Variants in SAMD11 observed in about 807,000 individuals in gnomAD.
SAMD11 encodes the protein sterile alpha motif domain containing 11.
A neutral mutation model predicts 64.4 loss-of-function variants in SAMD11; 77 were observed. The ratio of observed to expected loss-of-function variants is 1.20; its 90% confidence interval spans 0.99 to 1.44. The LOEUF (loss-of-function observed/expected upper bound fraction) is 1.44. SAMD11 is among the 40% of genes most tolerant of loss of function. The pLI, the probability that SAMD11 is intolerant of heterozygous loss-of-function variation, is 0.00. For synonymous variants in SAMD11, 658 were observed against 421.9 expected, an observed-to-expected ratio of 1.56 and a Z score of -6.86; for missense variants, 1,402 against 943.3, an observed-to-expected ratio of 1.49 and a Z score of -6.37.
chr1:940,940 C>G, intron 7 of SAMD11: 1 of 526,944 alleles, frequency 1.9e-6, no homozygotes, highest in Non-Finnish European at 3.3e-6. Context: ...GAGCTTTTCC[C>G]GACACTTCCT....
chr1:929,282 G>A (rs376651185), intron 2 of SAMD11, among the ~76,000 whole-genome samples: 5 of 152,262 alleles, frequency 3.3e-5, no homozygotes, highest in African/African-American at 7.2e-5. Context: ...GCTCCCACCC[G>A]AGGCACCCAC....
intron 2 of SAMD11, among the ~76,000 whole-genome samples, chr1:928,608 G>A (rs1014326689): frequency 2.0e-5 from 3 of 152,262 alleles, no homozygotes; most frequent in African/African-American, 7.2e-5. Flanking sequence ...GCACTCTGTG[G>A]TCATTGGTGT....
intron 8 of SAMD11, 27 bp downstream of exon 8, chr1:941,333 T>G (rs1305129540): frequency 6.6e-7 from 1 of 1,519,256 alleles, no homozygotes; most frequent in Non-Finnish European, 8.8e-7. Flanking sequence ...CGTTCTCTGC[T>G]TGTTTCTGGG....
At position 930,204 on chromosome 1, in the gene SAMD11, G is replaced by A. The variant is rs148711625; in HGVS notation, c.659G>A (p.Arg220Gln). Residue 220 changes from arginine to glutamine, a missense_variant, in exon 3 of 14, where the codon CGG (arginine) becomes CAG (glutamine). By Grantham distance (43) the Arg-to-Gln change is conservative (BLOSUM62 1). Coordinates refer to ENST00000616016, the MANE Select transcript of SAMD11 (RefSeq NM_001385641.1). The part of the protein sequence containing the change: ...DKRTVALPAA[R>Q]NLKKERTPSF... ...AGGACAGTCGCCCTGCCTGCCGCCCGGAACCTGAAGAAGGAGCGAACTCCC... is the reference window on the plus strand; with the variant it reads ...AGGACAGTCGCCCTGCCTGCCGCCCAGAACCTGAAGAAGGAGCGAACTCCC... 2,639 of 1,572,136 alleles carry A rather than the reference G, an allele frequency of 1.7e-3. 48 individuals carry two copies. The African/African-American group carries it at 0.031, about 19-fold the overall frequency.
intron 4 of SAMD11, 67 bp downstream of exon 4, chr1:931,156 C>T (rs1052151201): frequency 4.0e-5 from 57 of 1,409,022 alleles, no homozygotes; most frequent in Non-Finnish European, 2.7e-5. Flanking sequence ...CACCCCTGAC[C>T]GTGCCCTGCT....
At position 941,279 on chromosome 1, in the gene SAMD11, C is replaced by T. The variant is rs202015704; in HGVS notation, c.1331C>T (p.Pro444Leu). ...GCTCAGCACCGGGAGGGCGCCGCCCCAGCTGCCGCCCCGTCCTTCTCGGAG... is the reference window on the plus strand; with the variant it reads ...GCTCAGCACCGGGAGGGCGCCGCCCTAGCTGCCGCCCCGTCCTTCTCGGAG... ...GLAQHREGAA[P>L]AAAPSFSERE... Residue 444 changes from proline (P) to leucine (L), a missense_variant, in exon 8 of 14, where the codon CCA (proline) becomes CTA (leucine). Coordinates refer to ENST00000616016, the MANE Select transcript of SAMD11 (RefSeq NM_001385641.1). 3 of 1,595,072 alleles carry T rather than the reference C, an allele frequency of 1.9e-6. No homozygotes were observed. Among genetic ancestry groups the T allele is most frequent in the Admixed American group, 1.7e-5 (1 of 58,342 alleles).
intron 4 of SAMD11, 95 bp from the exon 5 acceptor site, chr1:935,677 C>T (rs960063279): frequency 1.5e-4 from 226 of 1,530,866 alleles, no homozygotes; most frequent in Admixed American, 2.5e-4. Flanking sequence ...GTCATCCCCA[C>T]GCTCACACAC....
At chr1:931,468 G>A (rs547668741) in intron 4 of SAMD11, among the ~76,000 whole-genome samples, 2 of 152,346 alleles carry the variant, frequency 1.3e-5, no homozygotes, top group African/African-American at 4.8e-5. Flanking sequence ...ACAAGGAGGT[G>A]AGAATGCTGA....
intron 4 of SAMD11, among the ~76,000 whole-genome samples, chr1:931,915 A>G (rs28535757): frequency 3.3e-5 from 5 of 152,162 alleles, no homozygotes; most frequent in African/African-American, 7.2e-5. Context: ...GATTCTGTCA[A>G]TGGGGTCAGG....
intron 8 of SAMD11, among the ~76,000 whole-genome samples, chr1:941,657 C>G (rs940616017): frequency 1.3e-5 from 2 of 152,042 alleles, no homozygotes; most frequent in Non-Finnish European, 2.9e-5. Flanking sequence ...ACGCCGGCGC[C>G]GGATCTGTTC....
chr1:942,800 G>A lies in SAMD11; in HGVS notation c.1795G>A (p.Gly599Ser), dbSNP rs910296298. Reference protein sequence around the residue: ...DSARRAPRKGGPGPASARPSE... With the variant: ...DSARRAPRKGSPGPASARPSE... ...TGCCCGGCGAGCCCCCCGGAAGGGG[G>A]GTCCCGGCCCTGCCTCAGCGCGGCC... Residue 599 changes from glycine to serine, a missense_variant, in exon 11 of 14, where the codon GGT becomes AGT. Coordinates refer to ENST00000616016, the MANE Select transcript of SAMD11 (RefSeq NM_001385641.1). The A allele has an allele frequency of 1.2e-5, 18 of 1,543,566 alleles. No individual in the cohort carries two copies. In the Admixed American group the frequency reaches 1.6e-4, roughly 14 times the overall value.
intron 7 of SAMD11, 162 bp downstream of exon 7, chr1:939,574 T>TGGAGGACCCCCA: frequency 7.5e-7 from 1 of 1,328,322 alleles, no homozygotes; most frequent in Non-Finnish European, 1.0e-6. Context: ...TGCAGGTCCC[T>TGGAGGACCCCCA]CTGCCACACG....
At chr1:939,577 GCCA>G in intron 7 of SAMD11, 165 bp downstream of exon 7, 1 of 341,662 alleles carries the variant, frequency 2.9e-6, no homozygotes, top group Non-Finnish European at 4.3e-6. Flanking sequence ...AGGTCCCTCT[GCCA>G]CACGTCCTGC....
rs1276686533 is a variant in SAMD11 at position 943,374 on chromosome 1, T to C, written c.2175T>C (p.Thr725=). 1.3e-6 allele frequency: 2 copies of C among 1,551,262 alleles called. No individual in the cohort carries two copies. Among genetic ancestry groups the C allele is most frequent in the East Asian group, 2.3e-5 (1 of 43,948 alleles). ...VGGLSGCGEY[T]RVFREQGIDG... Reference sequence around the variant, plus strand: ...GCCTGTCTGGCTGTGGAGAGTACACTCGGGTAAGGGGGGGCCCCAGTTCCT... The same window carrying C: ...GCCTGTCTGGCTGTGGAGAGTACACCCGGGTAAGGGGGGGCCCCAGTTCCT... The change falls in exon 12 of 14, where the codon ACT becomes ACC. Residue 725 remains threonine (T), a synonymous_variant. Coordinates refer to ENST00000616016, the MANE Select transcript of SAMD11 (RefSeq NM_001385641.1).
intron 2 of SAMD11, among the ~76,000 whole-genome samples, chr1:928,184 G>C (rs752349568): frequency 1.3e-5 from 2 of 152,188 alleles, no homozygotes; most frequent in Non-Finnish European, 2.9e-5. Flanking sequence ...ACGAGGTCAG[G>C]AGATCGAGAC....
chr1:941,045 T>G, intron 7 of SAMD11, 99 bp from the exon 8 acceptor site: 1 of 1,128,110 alleles, frequency 8.9e-7, no homozygotes, highest in Non-Finnish European at 1.3e-6. Flanking sequence ...GGCCGAGTGG[T>G]GTGGTCAGTT....
chr1:925,819 G>C (rs1463074089), intron 1 of SAMD11, 103 bp from the exon 2 acceptor site: 1 of 810,936 alleles, frequency 1.2e-6, no homozygotes, highest in Non-Finnish European at 2.1e-6. Flanking sequence ...GGGGTTCGGG[G>C]TGTATTTCGT....
chr1:929,397 C>T (rs1299143760), intron 2 of SAMD11, among the ~76,000 whole-genome samples: 1 of 152,222 alleles, frequency 6.6e-6, no homozygotes, highest in Non-Finnish European at 1.5e-5. Context: ...CTGGTGAGGG[C>T]TCCTCGTCTG....
chr1:941,329 C>G, intron 8 of SAMD11, 23 bp downstream of exon 8: 1 of 1,521,136 alleles, frequency 6.6e-7, no homozygotes, highest in Non-Finnish European at 8.8e-7. Flanking sequence ...CTGCCGTTCT[C>G]TGCTTGTTTC....
Sources: gnomAD v4.1 joint callset for allele counts (sites outside exome capture counted in the v4.1 genomes callset) on GRCh38, gnomAD v4.1.1 for gene constraint, MANE v1.5 for transcripts, NCBI Gene and HGNC (gene_info 2026-07-23, HGNC 2026-07-21) for gene names.